Variants in KAZN observed in about 807,000 individuals in gnomAD.
The protein encoded by KAZN is kazrin.
In KAZN, 40 loss-of-function variants were observed where a neutral mutation model predicts 87.4. The ratio of observed to expected loss-of-function variants is 0.46; its 90% CI spans 0.36 to 0.60. The LOEUF (loss-of-function observed/expected upper bound fraction) is 0.60. KAZN is among the 20% of genes least tolerant of loss of function. KAZN has a pLI of 0.00. For missense variants in KAZN, 898 were observed against 1,073.9 expected (o/e 0.84, Z 2.29); for synonymous variants, 466 against 458.3 (o/e 1.02, Z -0.22).
chr1:14,543,064 ACAGG>A (rs1234510226), intron 2 of KAZN, among the ~76,000 whole-genome samples: 1 of 152,208 alleles, frequency 6.6e-6, no homozygotes, highest in Non-Finnish European at 1.5e-5. Context: ...GATGAGAAAC[ACAGG>A]CTCCTAACTA....
intron 1 of KAZN, among the ~76,000 whole-genome samples, chr1:14,672,983 G>T (rs1640001720): frequency 6.6e-6 from 1 of 152,230 alleles, no homozygotes; most frequent in Non-Finnish European, 1.5e-5. Context: ...TGCAAAAGAG[G>T]CCGAGAACGT....
chr1:14,359,959 T>C (rs1019287150), intron 2 of KAZN, among the ~76,000 whole-genome samples: 2 of 152,206 alleles, frequency 1.3e-5, no homozygotes, highest in African/African-American at 4.8e-5. Context: ...GGTATCTGTA[T>C]TTCCTGAATT....
chr1:14,626,210 G>A (rs954955536), intron 1 of KAZN, among the ~76,000 whole-genome samples: 1 of 152,140 alleles, frequency 6.6e-6, no homozygotes, highest in Non-Finnish European at 1.5e-5. Context: ...CACATTATAC[G>A]GAATTAATGA....
At chr1:14,835,683 C>T (rs1004563689) in intron 1 of KAZN, among the ~76,000 whole-genome samples, 1 of 152,182 alleles carries the variant, frequency 6.6e-6, no homozygotes, top group African/African-American at 2.4e-5. Context: ...CCACTTGTCA[C>T]TGGAAGGGAA....
intron 1 of KAZN, among the ~76,000 whole-genome samples, chr1:14,761,559 A>G (rs564864001): frequency 1.3e-5 from 2 of 152,288 alleles, no homozygotes; most frequent in South Asian, 2.1e-4. Flanking sequence ...TACTGCCCCC[A>G]ACCACTGTCT....
chr1:14,391,779 C>T (rs532154679), intron 2 of KAZN, among the ~76,000 whole-genome samples: 1 of 152,278 alleles, frequency 6.6e-6, no homozygotes, highest in Non-Finnish European at 1.5e-5. Flanking sequence ...TCTCTTTGTG[C>T]TGGGGGCAGG....
At chr1:14,900,170 G>A (rs953108391) in intron 1 of KAZN, among the ~76,000 whole-genome samples, 2 of 152,156 alleles carry the variant, frequency 1.3e-5, no homozygotes. Context: ...TAGCTGCTGA[G>A]AGAAGCGAAC....
rs543212351 is a variant in KAZN, at chr1:14,389,237, T to A, written c.249+208645T>A. ...TGAGGATGTTGAGAAAAAGGAACCC[T>A]CGTACATTGTAGATGGGAATATAAA... is the stretch of plus-strand genomic sequence containing the variant. On this transcript the variant is annotated intron_variant, in intron 2 of 16. Transcript: ENST00000636203. Among the ~76,000 whole-genome samples, 5 of 152,256 alleles carry A rather than the reference T, an allele frequency of 3.3e-5. No individual in the cohort carries two copies. In the East Asian group the frequency reaches 9.7e-4, roughly 29 times the overall value.
chr1:14,564,920 A>G (rs1350997091), intron 2 of KAZN, among the ~76,000 whole-genome samples: 6 of 152,238 alleles, frequency 3.9e-5, no homozygotes, highest in Non-Finnish European at 8.8e-5. Context: ...GTTACATACA[A>G]TATCTGTGGG....
chr1:14,186,076 T>C (rs1570965062), intron 2 of KAZN, among the ~76,000 whole-genome samples: 1 of 152,306 alleles, frequency 6.6e-6, no homozygotes, highest in East Asian at 1.9e-4. Context: ...CCAACTTCCA[T>C]AGATCTGTAT....
At chr1:14,624,353 C>T (rs111917009) in intron 1 of KAZN, among the ~76,000 whole-genome samples, 1,527 of 151,434 alleles carry the variant, frequency 0.01, 27 homozygotes, top group African/African-American at 0.035. Flanking sequence ...ATCCGGGAGG[C>T]GGAGGTTGCA....
At chr1:15,058,326 G>A (rs934675803) in intron 5 of KAZN, among the ~76,000 whole-genome samples, 1 of 152,254 alleles carries the variant, frequency 6.6e-6, no homozygotes, top group Non-Finnish European at 1.5e-5. Flanking sequence ...AACTCACCCA[G>A]ATTGGAATTG....
chr1:14,105,212 A>T (rs1272074506), intron 1 of KAZN, among the ~76,000 whole-genome samples: 2 of 152,248 alleles, frequency 1.3e-5, no homozygotes, highest in African/African-American at 4.8e-5. Context: ...GCATAGTTAT[A>T]GACCAAGAGA....
Position 15,027,069 on chromosome 1 carries a change from T to G in KAZN, c.419-7680T>G, listed in dbSNP as rs564474760. ...TTAGGCAGATTCCCAAGCCAGTGCTTCTTTTTTTTTTTTTTTTTTTTTTTT... is the reference window on the plus strand; with the variant it reads ...TTAGGCAGATTCCCAAGCCAGTGCTGCTTTTTTTTTTTTTTTTTTTTTTTT... On this transcript the variant is annotated intron_variant, in intron 2 of 14. Coordinates refer to ENST00000376030, the MANE Select transcript of KAZN (RefSeq NM_201628.3). Among the ~76,000 whole-genome samples the G allele has an allele frequency of 1.2e-4, 15 of 129,488 alleles. No individual in the cohort carries two copies. In the South Asian group the frequency reaches 3.5e-3, roughly 30 times the overall value. 84.9% of individuals were successfully genotyped at this position (129,488 alleles called of 152,430 possible).
chr1:14,751,995 C>G (rs188885956), intron 1 of KAZN, among the ~76,000 whole-genome samples: 2 of 152,162 alleles, frequency 1.3e-5, no homozygotes, highest in African/African-American at 4.8e-5. Flanking sequence ...ATGGTGCCAG[C>G]GCTTGCTTCT....
Position 14,219,401 on chromosome 1 carries a change from CATTT to C in KAZN, c.249+38815_249+38818del, listed in dbSNP as rs1295994140. On this transcript the variant is annotated intron_variant, in intron 2 of 16. Transcript: ENST00000636203. ...CCTTATAATAGTTTATTAAACTAAGCATTTATTTAATGCAGTTTTTTGTATCTGT... is the reference window on the plus strand; with the variant it reads ...CCTTATAATAGTTTATTAAACTAAGCATTTAATGCAGTTTTTTGTATCTGT... Among the ~76,000 whole-genome samples, 4 of 152,116 alleles carry C rather than the reference CATTT, an allele frequency of 2.6e-5. No individual in the cohort carries two copies. In the East Asian group the frequency reaches 7.7e-4, roughly 29 times the overall value.
At chr1:14,085,636 T>G (rs1383067215) in intron 1 of KAZN, among the ~76,000 whole-genome samples, 1 of 152,232 alleles carries the variant, frequency 6.6e-6, no homozygotes, top group Non-Finnish European at 1.5e-5. Flanking sequence ...ATATTTCATT[T>G]TATGGGTATG....
intron 1 of KAZN, among the ~76,000 whole-genome samples, chr1:14,122,713 G>C (rs554619836): frequency 1.3e-5 from 2 of 152,082 alleles, no homozygotes; most frequent in Non-Finnish European, 2.9e-5. Context: ...TTGCTTTTAG[G>C]CTGTGAGCAT....
chr1:15,060,252 A>T lies in KAZN; in HGVS notation c.997A>T (p.Thr333Ser), dbSNP rs752102453. 36 of 1,614,214 alleles carry T rather than the reference A, an allele frequency of 2.2e-5. No homozygotes were observed. The South Asian group carries it at 3.8e-4, about 17-fold the overall frequency. Residue 333 changes from threonine to serine, a missense_variant, in exon 6 of 15, where the codon ACA (threonine) becomes TCA (serine). Transcript: ENST00000376030. ...ASAAEGDRSS[T>S]PSDINSPRHR... The stretch of plus-strand genomic sequence containing the variant: ...TGCCGCCGAAGGCGACCGGTCGTCC[A>T]CACCGAGCGACATCAACTCCCCTCG...
Sources: allele counts gnomAD v4.1 joint callset (sites outside exome capture counted in the v4.1 genomes callset), GRCh38; gene constraint gnomAD v4.1.1; transcripts MANE v1.5; gene names NCBI Gene and HGNC (gene_info 2026-07-23, HGNC 2026-07-21).